The following ADORA2B variants were observed in gnomAD, a reference collection of about 807,000 sequenced individuals.
ADORA2B encodes adenosine receptor A2b.
In ADORA2B, 18 loss-of-function variants were observed where a neutral mutation model predicts 20.8. The observed-to-expected ratio is 0.87, with a 90% CI of 0.60 to 1.29. ADORA2B has a LOEUF of 1.29. ADORA2B is among the 50% of genes most tolerant of loss of function. ADORA2B has a pLI of 0.00. For synonymous variants in ADORA2B, 179 were observed against 178.3 expected (o/e 1.00, Z -0.03); for missense variants, 441 against 422.7 (o/e 1.04, Z -0.38).
chr17:15,871,897 G>A, the ADORA2B span, among the ~76,000 whole-genome samples: 288 of 152,272 alleles, frequency 1.9e-3, 6 homozygotes, highest in East Asian at 0.05. Flanking sequence ...GCTGCGTCCT[G>A]TAGGTCCTCC....
the ADORA2B span, among the ~76,000 whole-genome samples, chr17:15,894,880 G>T: frequency 6.6e-6 from 1 of 152,136 alleles, no homozygotes; most frequent in South Asian, 2.1e-4. Context: ...TTTTTAAGGT[G>T]TTACAGTTCT....
chr17:15,943,627 C>G (rs574446206), upstream of ADORA2B, among the ~76,000 whole-genome samples: 1 of 152,326 alleles, frequency 6.6e-6, no homozygotes, highest in African/African-American at 2.4e-5. Context: ...GCCATGTTGT[C>G]GTCATTACAG....
At chr17:15,931,674 T>G in the ADORA2B span, among the ~76,000 whole-genome samples, 7 of 152,220 alleles carry the variant, frequency 4.6e-5, no homozygotes, top group Non-Finnish European at 1.0e-4. Context: ...CTTTTGTATA[T>G]CTTCTTTGGA....
the ADORA2B span, among the ~76,000 whole-genome samples, chr17:15,910,296 C>T: frequency 4.6e-5 from 7 of 151,840 alleles, no homozygotes; most frequent in Non-Finnish European, 8.8e-5. Context: ...AACACAAATA[C>T]GTAAACTTTT....
the ADORA2B span, among the ~76,000 whole-genome samples, chr17:15,890,179 TAAAG>T: frequency 7.7e-6 from 1 of 129,966 alleles, no homozygotes; most frequent in Non-Finnish European, 1.6e-5. Context: ...ATCCTATGGA[TAAAG>T]AGTCTTTTTA....
At chr17:15,891,086 G>A in the ADORA2B span, among the ~76,000 whole-genome samples, 3 of 152,166 alleles carry the variant, frequency 2.0e-5, no homozygotes, top group Admixed American at 6.5e-5. Context: ...GGCCAACATG[G>A]TGAAACCCCA....
At chr17:15,874,002 CTAA>C in the ADORA2B span, among the ~76,000 whole-genome samples, 2 of 147,608 alleles carry the variant, frequency 1.4e-5, no homozygotes, top group African/African-American at 5.2e-5. Context: ...TGCCCATTGA[CTAA>C]TGAGTGGATA....
the ADORA2B span, among the ~76,000 whole-genome samples, chr17:15,871,190 C>T: frequency 2.6e-5 from 4 of 152,172 alleles, no homozygotes; most frequent in East Asian, 7.7e-4. Context: ...ATAAAAATGG[C>T]TTTCTGAACA....
At chr17:15,884,468 T>G in the ADORA2B span, among the ~76,000 whole-genome samples, 1 of 152,168 alleles carries the variant, frequency 6.6e-6, no homozygotes, top group East Asian at 1.9e-4. Flanking sequence ...TAGGTAAACA[T>G]GTGCCATGGT....
At chr17:15,925,769 G>A in the ADORA2B span, among the ~76,000 whole-genome samples, 3 of 152,038 alleles carry the variant, frequency 2.0e-5, no homozygotes, top group Non-Finnish European at 4.4e-5. Context: ...GGAGTTCAAG[G>A]CCAGCCTGGC....
the ADORA2B span, chr17:15,850,779 A>G: frequency 6.4e-6 from 1 of 155,874 alleles, no homozygotes; most frequent in South Asian, 2.1e-4. Context: ...GTGTGTGTAG[A>G]GAGAGGGTGT....
At chr17:15,867,929 AG>A in the ADORA2B span, among the ~76,000 whole-genome samples, 92 of 151,944 alleles carry the variant, frequency 6.1e-4, 1 homozygote, top group African/African-American at 2.2e-3. Flanking sequence ...TGGAATAGAA[AG>A]GGGGGAAAGG....
the ADORA2B span, among the ~76,000 whole-genome samples, chr17:15,923,607 C>G: frequency 6.6e-6 from 1 of 151,558 alleles, no homozygotes; most frequent in Non-Finnish European, 1.5e-5. Flanking sequence ...AGGCTTTCAC[C>G]GTGTTAGCCA....
intron 1 of ADORA2B, among the ~76,000 whole-genome samples, chr17:15,949,672 A>G (rs1597847031): frequency 2.0e-5 from 3 of 151,812 alleles, no homozygotes; most frequent in Admixed American, 2.0e-4. Context: ...AGAGTTCGAG[A>G]CCAGCCTGGC....
At chr17:15,915,212 C>T in the ADORA2B span, among the ~76,000 whole-genome samples, 1 of 152,186 alleles carries the variant, frequency 6.6e-6, no homozygotes, top group African/African-American at 2.4e-5. Flanking sequence ...ATCTTCAAAG[C>T]CAGCAGCGTT....
intron 1 of ADORA2B, among the ~76,000 whole-genome samples, chr17:15,954,890 G>T (rs1969947989): frequency 6.6e-6 from 1 of 152,228 alleles, no homozygotes; most frequent in Admixed American, 6.5e-5. Flanking sequence ...AGTCTGGTGT[G>T]TAATGATTCT....
At chr17:15,903,440 AT>A in the ADORA2B span, among the ~76,000 whole-genome samples, 1 of 152,198 alleles carries the variant, frequency 6.6e-6, no homozygotes, top group Non-Finnish European at 1.5e-5. Context: ...TTTTATGTAA[AT>A]TGGAAATTTT....
chr17:15,942,233 C>T (rs574765698), upstream of ADORA2B, among the ~76,000 whole-genome samples: 13 of 152,210 alleles, frequency 8.5e-5, no homozygotes, highest in Admixed American at 7.8e-4. Context: ...GGTTTAGTGC[C>T]ATCCTTTTTA....
At chr17:15,928,615 C>A in the ADORA2B span, among the ~76,000 whole-genome samples, 2 of 152,048 alleles carry the variant, frequency 1.3e-5, no homozygotes, top group African/African-American at 4.8e-5. Context: ...CAAGAGGGGA[C>A]ACCTGAAGCA....
Sources: allele counts gnomAD v4.1 joint callset (sites outside exome capture counted in the v4.1 genomes callset), GRCh38; gene constraint gnomAD v4.1.1; transcripts MANE v1.5; gene names NCBI Gene and HGNC (gene_info 2026-07-23, HGNC 2026-07-21).